Variants in OSGIN1 observed in about 807,000 individuals in gnomAD.
The protein encoded by OSGIN1 is oxidative stress induced growth inhibitor 1.
OSGIN1 carries 19 observed loss-of-function variants against 20.1 expected under a neutral mutation model. The ratio of observed to expected loss-of-function variants is 0.95; its 90% CI spans 0.66 to 1.39. OSGIN1 has a LOEUF of 1.39. Ranked by LOEUF, OSGIN1 falls within the 40% of genes most tolerant of loss-of-function variation. The pLI is 0.00. For missense variants in OSGIN1, 820 were observed against 653.0 expected (o/e 1.26, Z -2.79); for synonymous variants, 368 against 297.8 (o/e 1.24, Z -2.43).
chr16:83,959,546 C>T (rs1011931258), intron 3 of OSGIN1, 150 bp downstream of exon 3: 14 of 776,156 alleles, frequency 1.8e-5, no homozygotes, highest in South Asian at 1.2e-4. Flanking sequence ...CCACGGAGAT[C>T]GTGAAAGAGA....
intron 5 of OSGIN1, 104 bp downstream of exon 5, chr16:83,961,176 G>C: frequency 1.1e-6 from 1 of 886,038 alleles, no homozygotes; most frequent in Non-Finnish European, 1.8e-6. Context: ...ATTTTTCCAA[G>C]GTTGAGGACG....
chr16:83,962,707 G>A (rs542642068), intron 5 of OSGIN1, among the ~76,000 whole-genome samples: 1 of 152,348 alleles, frequency 6.6e-6, no homozygotes, highest in South Asian at 2.1e-4. Flanking sequence ...GTTCCGTCCA[G>A]AGGCGGGACA....
intron 5 of OSGIN1, among the ~76,000 whole-genome samples, chr16:83,964,229 G>A (rs917753558): frequency 2.0e-5 from 3 of 152,208 alleles, no homozygotes; most frequent in Middle Eastern, 3.4e-3. Flanking sequence ...ACCTGAGCCC[G>A]GGAGGCAGGG....
At chr16:83,958,328 C>A (rs112169078) in intron 2 of OSGIN1, among the ~76,000 whole-genome samples, 1 of 152,198 alleles carries the variant, frequency 6.6e-6, no homozygotes, top group Non-Finnish European at 1.5e-5. Flanking sequence ...TGGAGGCGAC[C>A]CGGCGTGGCG....
rs1215015075 is a variant in OSGIN1, at chr16:83,966,059, C to T, written c.*52C>T. The T allele has an allele frequency of 7.3e-7, 1 of 1,362,284 alleles. No individual in the cohort carries two copies. The highest frequency in any genetic ancestry group is 9.8e-7 in the Non-Finnish European group (1 of 1,020,818). 84.4% of individuals were successfully genotyped at this position (1,362,284 alleles called of 1,614,324 possible). On this transcript the variant is annotated 3_prime_UTR_variant, in exon 6 of 6. Transcript: ENST00000393306. ...GGCCCTGAGAGGACAGAGATGACCACATCCCTGCTGGATGCAGGACCCGTC... is the reference window on the plus strand; with the variant it reads ...GGCCCTGAGAGGACAGAGATGACCATATCCCTGCTGGATGCAGGACCCGTC...
chr16:83,965,835 G>C lies in OSGIN1; in HGVS notation c.1262G>C (p.Ser421Thr), dbSNP rs201090360. ...DFAVDPDQPL[S>T]AKRNPIDVDP... ...GCAGTGGATCCTGACCAGCCGCTGA[G>C]CGCCAAGAGGAACCCCATTGACGTG... Residue 421 changes from serine (S) to threonine (T), a missense_variant, in exon 6 of 6, where the codon AGC becomes ACC. Physicochemically the swap from Ser to Thr is moderately conservative, Grantham distance 58 (BLOSUM62 1). Transcript: ENST00000393306. 1.9e-6 allele frequency: 3 copies of C among 1,613,042 alleles called. No individual in the cohort carries two copies. Among genetic ancestry groups the C allele is most frequent in the East Asian group, 2.2e-5 (1 of 44,876 alleles).
chr16:83,965,459 T>C lies in OSGIN1; in HGVS notation c.886T>C (p.Ser296Pro), dbSNP rs924103521. ...DPVLIIGAGL[S>P]AADAVLYARH... ...TGTCCTCATCATTGGCGCGGGGCTGTCAGCGGCCGACGCGGTCCTCTACGC... is the reference window on the plus strand; with the variant it reads ...TGTCCTCATCATTGGCGCGGGGCTGCCAGCGGCCGACGCGGTCCTCTACGC... Residue 296 changes from serine (S) to proline (P), a missense_variant, in exon 6 of 6, where the codon TCA becomes CCA. Transcript: ENST00000393306. 4 of 1,601,180 alleles carry C rather than the reference T, an allele frequency of 2.5e-6. No individual in the cohort carries two copies. In the Admixed American group the frequency reaches 6.7e-5, roughly 27 times the overall value.
rs1173502949 is a variant in OSGIN1 at position 83,966,277 on chromosome 16, C to A, written c.*270C>A. 5.9e-6 allele frequency: 3 copies of A among 504,664 alleles called. No homozygotes were observed. The highest frequency in any genetic ancestry group is 1.0e-5 in the Non-Finnish European group (3 of 288,118). 31.3% of individuals were successfully genotyped at this position (504,664 alleles called of 1,614,324 possible). A position where few individuals can be genotyped will look rare whatever the true frequency, so the allele number is the denominator to read the frequency against. On this transcript the variant is annotated 3_prime_UTR_variant, in exon 6 of 6. Coordinates refer to ENST00000393306, the MANE Select transcript of OSGIN1 (RefSeq NM_182981.3). The stretch of plus-strand genomic sequence containing the variant: ...ACCAGCTGAGCACCCAGCCAGGAGA[C>A]CTGCAGCCCTGCGCCTTCCAGAAGC...
chr16:83,956,791 G>T (rs764525150), intron 1 of OSGIN1, among the ~76,000 whole-genome samples: 1 of 152,246 alleles, frequency 6.6e-6, no homozygotes, highest in Non-Finnish European at 1.5e-5. Flanking sequence ...CCTCAGGATG[G>T]CAGCATGTGG....
At chr16:83,954,498 A>G (rs1908834048) in intron 1 of OSGIN1, 2 of 152,290 alleles carry the variant, frequency 1.3e-5, no homozygotes, top group Non-Finnish European at 2.9e-5. Flanking sequence ...CCGTAAAACT[A>G]AAAAGCACAA....
At chr16:83,960,812 C>A in intron 4 of OSGIN1, 52 bp downstream of exon 4, 2 of 1,576,038 alleles carry the variant, frequency 1.3e-6, no homozygotes, top group Non-Finnish European at 1.7e-6. Flanking sequence ...CCCTCGTTCT[C>A]CCCACTTGGG....
chr16:83,964,601 G>A (rs146647600), intron 5 of OSGIN1, among the ~76,000 whole-genome samples: 2 of 152,210 alleles, frequency 1.3e-5, no homozygotes, highest in East Asian at 3.9e-4. Flanking sequence ...AATCATGGTG[G>A]CCTATCCTTA....
intron 4 of OSGIN1, 46 bp downstream of exon 4, chr16:83,960,806 C>G (rs772131272): frequency 6.3e-7 from 1 of 1,584,634 alleles, no homozygotes; most frequent in Non-Finnish European, 8.6e-7. Context: ...CTCTCTCCCT[C>G]GTTCTCCCCA....
chr16:83,954,740 G>C, intron 1 of OSGIN1: 1 of 984,772 alleles, frequency 1.0e-6, no homozygotes, highest in Non-Finnish European at 1.2e-6. Flanking sequence ...TGGACTTGGA[G>C]CCCCAAAGCC....
intron 1 of OSGIN1, among the ~76,000 whole-genome samples, chr16:83,956,079 GA>G (rs1908912649): frequency 6.6e-6 from 1 of 152,228 alleles, no homozygotes. Flanking sequence ...CAAGGCTGCT[GA>G]GCGGGCTGGA....
chr16:83,965,722 C>T lies in OSGIN1; in HGVS notation c.1149C>T (p.Val383=), dbSNP rs201931617. ...CCGTGTTCCAGGACCTCGAGGGTGT[C>T]GAGAAGGTGTTTGGGGTCTCCCTGG... ...CQAVFQDLEG[V]EKVFGVSLVL... is the part of the protein sequence containing the mutation. The change falls in exon 6 of 6, where the codon GTC becomes GTT. Residue 383 remains valine (V), a synonymous_variant. Coordinates refer to ENST00000393306, the MANE Select transcript of OSGIN1 (RefSeq NM_182981.3). 8.7e-6 allele frequency: 14 copies of T among 1,613,616 alleles called. No homozygotes were observed. Among genetic ancestry groups the T allele is most frequent in the Non-Finnish European group, 1.1e-5 (13 of 1,180,018 alleles).
chr16:83,965,608 G>C lies in OSGIN1; in HGVS notation c.1035G>C (p.Arg345=). The part of the protein sequence containing the change: ...PEYHKVHQMM[R]EQSILSPSPY... ...ACCACAAGGTGCACCAGATGATGCG[G>C]GAGCAGTCCATCCTGTCGCCCAGCC... Residue 345 remains arginine (R), a synonymous_variant, in exon 6 of 6, where the codon CGG becomes CGC. Coordinates refer to ENST00000393306, the MANE Select transcript of OSGIN1 (RefSeq NM_182981.3). The C allele has an allele frequency of 1.2e-6, 2 of 1,613,124 alleles. No individual in the cohort carries two copies. Among genetic ancestry groups the C allele is most frequent in the South Asian group, 2.2e-5 (2 of 91,088 alleles).
In OSGIN1 at chr16:83,956,596, C is replaced by A. The variant is rs140229696; in HGVS notation, c.-32-1044C>A. ...CTGGGTTTCAAAGCCAGCTGTGTGA[C>A]ACTGAGAAGTTTGTGCGACCTCTCT... On this transcript the variant is annotated intron_variant, in intron 1 of 5. Transcript: ENST00000393306. 5.9e-5 allele frequency among the ~76,000 whole-genome samples: 9 copies of A among 152,334 alleles called. No individual in the cohort carries two copies. The East Asian group carries it at 1.7e-3, about 29-fold the overall frequency.
chr16:83,956,424 C>T (rs1323842739), intron 1 of OSGIN1, among the ~76,000 whole-genome samples: 1 of 152,178 alleles, frequency 6.6e-6, no homozygotes, highest in African/African-American at 2.4e-5. Flanking sequence ...AGGCAGGTGG[C>T]CCTGGGCCCC....
Sources: gnomAD v4.1 joint callset for allele counts (sites outside exome capture counted in the v4.1 genomes callset) on GRCh38, gnomAD v4.1.1 for gene constraint, MANE v1.5 for transcripts, NCBI Gene and HGNC (gene_info 2026-07-23, HGNC 2026-07-21) for gene names.